The following SLIT2 variants were observed in gnomAD, a reference collection of about 807,000 sequenced individuals.
The protein encoded by SLIT2 is slit guidance ligand 2, also known as slit homolog 2 protein.
A neutral mutation model predicts 185.7 loss-of-function variants in SLIT2; 41 were observed. The ratio of observed to expected loss-of-function variants is 0.22; its 90% confidence interval spans 0.17 to 0.29. The LOEUF is 0.29. SLIT2 is among the 10% of genes least tolerant of loss of function. The probability of loss-of-function intolerance (pLI) is 1.00; values close to 1 mark genes in which losing one functional copy is unlikely to be tolerated. For missense variants in SLIT2, 1,571 were observed against 1,909.0 expected (o/e 0.82, Z 3.30); for synonymous variants, 693 against 680.2 (o/e 1.02, Z -0.29).
At chr4:20,600,702 A>G (rs1428958951) in intron 33 of SLIT2, among the ~76,000 whole-genome samples, 1 of 151,984 alleles carries the variant, frequency 6.6e-6, no homozygotes, top group East Asian at 1.9e-4. Context: ...CTGCAAGCCC[A>G]TGTTTCTGGT....
At chr4:20,275,308 G>A (rs959910606) in intron 4 of SLIT2, among the ~76,000 whole-genome samples, 1 of 152,116 alleles carries the variant, frequency 6.6e-6, no homozygotes, top group Non-Finnish European at 1.5e-5. Flanking sequence ...GTTAACTTTG[G>A]AAGTCAGTAG....
intron 33 of SLIT2, among the ~76,000 whole-genome samples, chr4:20,608,056 C>T (rs1728923684): frequency 3.3e-5 from 5 of 151,988 alleles, no homozygotes; most frequent in Admixed American, 3.3e-4. Flanking sequence ...AAAAAAGATT[C>T]AGAAATGGTA....
At chr4:20,376,530 G>A (rs193067537) in intron 4 of SLIT2, among the ~76,000 whole-genome samples, 9 of 151,996 alleles carry the variant, frequency 5.9e-5, no homozygotes, top group Admixed American at 2.0e-4. Context: ...CCCCCTGTCC[G>A]TGCATCAGTT....
In SLIT2 at chr4:20,349,876, CTCT is replaced by C. The variant is rs1462956077; in HGVS notation, c.395+80998_395+81000del. Among the ~76,000 whole-genome samples, 5 of 152,286 alleles carry C rather than the reference CTCT, an allele frequency of 3.3e-5. 1 individual carries two copies. The South Asian group carries it at 8.3e-4, about 25-fold the overall frequency. ...AGGCATGCACTACACATCTTTCTGT[CTCT>C]TCAAGAGAAGAATAACATATGTCTG... On this transcript the variant is annotated intron_variant, in intron 4 of 36. Coordinates refer to ENST00000504154, the MANE Select transcript of SLIT2 (RefSeq NM_004787.4).
At chr4:20,368,030 C>G (rs1723251959) in intron 4 of SLIT2, among the ~76,000 whole-genome samples, 2 of 151,800 alleles carry the variant, frequency 1.3e-5, no homozygotes, top group Admixed American at 1.3e-4. Flanking sequence ...TTTTTCTGTT[C>G]TTGAAAACTC....
chr4:20,548,473 C>G lies in SLIT2; in HGVS notation c.2346-15C>G. 6.9e-7 allele frequency: 1 copy of G among 1,448,268 alleles called. No homozygotes were observed. The highest frequency in any genetic ancestry group is 1.1e-5 in the South Asian group (1 of 87,082). The allele number at this position is 1,448,268 out of a possible 1,614,324, so 89.7% of individuals were successfully genotyped here. ...CTGTGGTTAATAGTGTACTCCATTT[C>G]TTTTTCTCTTTTAGAGACTTAAGTA... is the stretch of plus-strand genomic sequence containing the variant. On this transcript the variant is annotated splice_polypyrimidine_tract_variant and intron_variant, in intron 22 of 36. Coordinates refer to ENST00000504154, the MANE Select transcript of SLIT2 (RefSeq NM_004787.4).
chr4:20,472,127 G>T (rs1715104247), intron 5 of SLIT2, among the ~76,000 whole-genome samples: 1 of 148,122 alleles, frequency 6.8e-6, no homozygotes, highest in Admixed American at 6.8e-5. Context: ...AAACAAATAT[G>T]AATTAAGTAT....
intron 4 of SLIT2, among the ~76,000 whole-genome samples, 184 bp from the exon 5 acceptor site, chr4:20,467,568 A>AATTTATATTAGAAATATAAAAT: frequency 6.6e-6 from 1 of 150,606 alleles, no homozygotes; most frequent in South Asian, 2.1e-4. Flanking sequence ...CCAACTTTTT[A>AATTTATATTAGAAATATAAAAT]ATTTATATTA....
At chr4:20,496,663 T>G (rs1718254822) in intron 9 of SLIT2, among the ~76,000 whole-genome samples, 1 of 152,212 alleles carries the variant, frequency 6.6e-6, no homozygotes, top group Non-Finnish European at 1.5e-5. Flanking sequence ...AATATCTATC[T>G]CTTCTACTGA....
chr4:20,521,576 A>G (rs1720843232), intron 12 of SLIT2, among the ~76,000 whole-genome samples: 1 of 152,160 alleles, frequency 6.6e-6, no homozygotes, highest in South Asian at 2.1e-4. Flanking sequence ...ACTCAATTAG[A>G]TTATTAAGTA....
intron 3 of SLIT2, among the ~76,000 whole-genome samples, chr4:20,258,729 T>C (rs1361993673): frequency 1.3e-5 from 2 of 151,746 alleles, no homozygotes; most frequent in Admixed American, 1.3e-4. Context: ...ATTGTATGTC[T>C]TACATGCCTT....
At chr4:20,517,555 A>T (rs936545665) in intron 11 of SLIT2, among the ~76,000 whole-genome samples, 1 of 152,000 alleles carries the variant, frequency 6.6e-6, no homozygotes, top group Non-Finnish European at 1.5e-5. Flanking sequence ...TTTGATTTTT[A>T]AAATGGTTTC....
intron 33 of SLIT2, among the ~76,000 whole-genome samples, chr4:20,605,071 A>T (rs1039529764): frequency 6.6e-6 from 1 of 151,204 alleles, no homozygotes; most frequent in Non-Finnish European, 1.5e-5. Context: ...CCTGACATCG[A>T]GATCCACCCA....
intron 5 of SLIT2, among the ~76,000 whole-genome samples, chr4:20,472,287 G>GATATCTATATCT (rs1715210775): frequency 6.7e-5 from 1 of 14,882 alleles, no homozygotes; most frequent in Non-Finnish European, 1.2e-4. Flanking sequence ...TATATATATA[G>GATATCTATATCT]ATATATAGAT....
intron 11 of SLIT2, among the ~76,000 whole-genome samples, chr4:20,518,606 T>A (rs1330060883): frequency 9.1e-5 from 3 of 32,812 alleles, no homozygotes; most frequent in African/African-American, 2.3e-4. Flanking sequence ...TTTTTTTTTT[T>A]TTTTTTTTTT....
intron 29 of SLIT2, among the ~76,000 whole-genome samples, chr4:20,581,097 A>G (rs530617738): frequency 6.6e-6 from 1 of 152,196 alleles, no homozygotes; most frequent in Admixed American, 6.5e-5. Flanking sequence ...GGAGGCTTAA[A>G]CAACAGAGTT....
chr4:20,510,431 C>A, intron 9 of SLIT2, 64 bp from the exon 10 acceptor site: 1 of 1,017,646 alleles, frequency 9.8e-7, no homozygotes, highest in South Asian at 1.3e-5. Flanking sequence ...GAATCCTGAG[C>A]TTGAATTAAA....
intron 4 of SLIT2, among the ~76,000 whole-genome samples, chr4:20,442,077 G>A (rs1164109672): frequency 6.6e-6 from 1 of 152,144 alleles, no homozygotes; most frequent in Non-Finnish European, 1.5e-5. Context: ...GAGGAAAAAG[G>A]TTGGGGAAAG....
At chr4:20,338,099 GA>G (rs1293058364) in intron 4 of SLIT2, among the ~76,000 whole-genome samples, 2 of 152,090 alleles carry the variant, frequency 1.3e-5, no homozygotes, top group Non-Finnish European at 2.9e-5. Flanking sequence ...CACAAGTAAA[GA>G]TTTTTTTGGT....
Sources: gnomAD v4.1 joint callset for allele counts (sites outside exome capture counted in the v4.1 genomes callset) on GRCh38, gnomAD v4.1.1 for gene constraint, MANE v1.5 for transcripts, NCBI Gene and HGNC (gene_info 2026-07-23, HGNC 2026-07-21) for gene names.